Variants in CSRNP3 observed in about 807,000 individuals in gnomAD.
The protein encoded by CSRNP3 is cysteine/serine-rich nuclear protein 3.
A neutral mutation model predicts 48.0 loss-of-function variants in CSRNP3; 12 were observed. That is an observed-to-expected ratio of 0.25 (90% CI 0.16 to 0.41). CSRNP3 has a LOEUF of 0.41. Ranked by LOEUF, CSRNP3 falls within the 10% of genes least tolerant of loss-of-function variation. The probability of loss-of-function intolerance (pLI) is 1.00; values close to 1 mark genes in which losing one functional copy is unlikely to be tolerated. For missense variants in CSRNP3, 580 were observed against 724.4 expected, an observed-to-expected ratio of 0.80 and a Z score of 2.29; for synonymous variants, 263 against 269.7, an observed-to-expected ratio of 0.98 and a Z score of 0.24.
Position 165,681,696 on chromosome 2 carries a change from GA to G in CSRNP3, c.*1945del, listed in dbSNP as rs1687540993. ...AATGATTGGCCCTTTGGGCTAATCA[GA>G]ATGAGGATTTGTTGAAATCTCAAAT... is the stretch of plus-strand genomic sequence containing the variant. On this transcript the variant is annotated 3_prime_UTR_variant, in exon 7 of 7. Transcript: ENST00000651982. 7.1e-6 allele frequency: 1 copy of G among 140,044 alleles called. No individual in the cohort carries two copies. Among genetic ancestry groups the G allele is most frequent in the African/African-American group, 2.7e-5 (1 of 37,496 alleles). 8.7% of individuals were successfully genotyped at this position (140,044 alleles called of 1,614,324 possible). A position where few individuals can be genotyped will look rare whatever the true frequency, so the allele number is the denominator to read the frequency against.
intron 5 of CSRNP3, among the ~76,000 whole-genome samples, chr2:165,663,020 C>G (rs1687122454): frequency 6.6e-6 from 1 of 151,984 alleles, no homozygotes; most frequent in African/African-American, 2.4e-5. Flanking sequence ...TTTTTTCATC[C>G]CAAATCTCAG....
intron 4 of CSRNP3, among the ~76,000 whole-genome samples, chr2:165,655,117 AT>A (rs1286961546): frequency 3.9e-5 from 6 of 152,174 alleles, no homozygotes; most frequent in Non-Finnish European, 8.8e-5. Flanking sequence ...TTGGAAGAAG[AT>A]TCTTACCTAA....
intron 3 of CSRNP3, among the ~76,000 whole-genome samples, chr2:165,533,273 G>A (rs1684838663): frequency 6.6e-6 from 1 of 151,980 alleles, no homozygotes; most frequent in African/African-American, 2.4e-5. Flanking sequence ...AAAAAAATAT[G>A]GCATGAATAA....
At chr2:165,648,521 C>T (rs1372674999) in intron 4 of CSRNP3, among the ~76,000 whole-genome samples, 1 of 152,034 alleles carries the variant, frequency 6.6e-6, no homozygotes, top group Non-Finnish European at 1.5e-5. Context: ...TCTTGATCTG[C>T]AGTCCAATGC....
In CSRNP3 at chr2:165,555,624, A is replaced by G. The variant is rs1574835728; in HGVS notation, c.-24+37663A>G. ...CCTGACATACTTTGCCTACTCATTG[A>G]TGGTGAAGCTGGGATGGTTACATAG... is the stretch of plus-strand genomic sequence containing the variant. On this transcript the variant is annotated intron_variant, in intron 3 of 6. Transcript: ENST00000651982. 3.3e-5 allele frequency among the ~76,000 whole-genome samples: 5 copies of G among 152,312 alleles called. 1 individual carries two copies. In the South Asian group the frequency reaches 1.0e-3, roughly 32 times the overall value.
In CSRNP3 at chr2:165,654,148, T is replaced by G. The variant is rs1454638805; in HGVS notation, c.149-3613T>G. ...CAAGAGCAAAAAAGATAGAAAGTTA[T>G]CATCACAAAACCAGAAGCTCTAGCC... On this transcript the variant is annotated intron_variant, in intron 4 of 6. Transcript: ENST00000651982. Among the ~76,000 whole-genome samples the G allele has an allele frequency of 2.6e-5, 4 of 152,194 alleles. No individual in the cohort carries two copies. In the East Asian group the frequency reaches 7.7e-4, roughly 29 times the overall value.
intron 5 of CSRNP3, among the ~76,000 whole-genome samples, chr2:165,675,877 C>T (rs777833960): frequency 1.3e-5 from 2 of 152,182 alleles, no homozygotes; most frequent in African/African-American, 2.4e-5. Flanking sequence ...TCAAGGACAA[C>T]ATATTTGCTG....
intron 4 of CSRNP3, among the ~76,000 whole-genome samples, chr2:165,639,650 T>G (rs1227227568): frequency 6.6e-6 from 1 of 152,106 alleles, no homozygotes; most frequent in Non-Finnish European, 1.5e-5. Flanking sequence ...AAAGTCAGTG[T>G]TTTGACACCT....
At chr2:165,665,551 G>A (rs62176902) in intron 5 of CSRNP3, among the ~76,000 whole-genome samples, 23,058 of 151,862 alleles carry the variant, frequency 0.15, 1,953 homozygotes, top group East Asian at 0.28. Context: ...GCTGGAGGCC[G>A]GGAGTTAAAG....
At chr2:165,620,105 A>C (rs1317095666) in intron 4 of CSRNP3, among the ~76,000 whole-genome samples, 1 of 152,146 alleles carries the variant, frequency 6.6e-6, no homozygotes, top group South Asian at 2.1e-4. Context: ...AAATTACTAC[A>C]TGGTTTTCCA....
At chr2:165,589,098 C>T (rs924704320) in intron 3 of CSRNP3, among the ~76,000 whole-genome samples, 2 of 152,150 alleles carry the variant, frequency 1.3e-5, no homozygotes, top group African/African-American at 4.8e-5. Context: ...TTAAGGAGTA[C>T]AGCAGCTAAG....
chr2:165,557,167 GA>G (rs1455406284), intron 3 of CSRNP3, among the ~76,000 whole-genome samples: 17 of 152,036 alleles, frequency 1.1e-4, no homozygotes, highest in African/African-American at 3.9e-4. Context: ...AAAAAAGAAA[GA>G]AAAGAACACT....
chr2:165,599,828 T>A (rs968285716), intron 4 of CSRNP3, among the ~76,000 whole-genome samples: 2 of 152,074 alleles, frequency 1.3e-5, no homozygotes, highest in African/African-American at 4.8e-5. Context: ...ATTTCTTTAC[T>A]TTTTTTTACT....
chr2:165,507,333 CAA>C (rs1684440217), intron 2 of CSRNP3, among the ~76,000 whole-genome samples: 1 of 151,950 alleles, frequency 6.6e-6, no homozygotes, highest in Non-Finnish European at 1.5e-5. Context: ...TAGAAATTTC[CAA>C]AATATGGCAA....
intron 2 of CSRNP3, among the ~76,000 whole-genome samples, chr2:165,512,273 A>G (rs982437157): frequency 1.3e-5 from 2 of 152,160 alleles, no homozygotes; most frequent in Admixed American, 6.5e-5. Flanking sequence ...TTCTAGGGCC[A>G]GTCTCACCAA....
At chr2:165,588,451 C>T (rs1574851157) in intron 3 of CSRNP3, among the ~76,000 whole-genome samples, 1 of 152,330 alleles carries the variant, frequency 6.6e-6, no homozygotes, top group Middle Eastern at 3.4e-3. Context: ...AAGCTAGCAG[C>T]AGTGGATGCG....
chr2:165,685,168 T>C lies in CSRNP3; in HGVS notation c.*5415T>C, dbSNP rs151004517. 1.3e-5 allele frequency: 2 copies of C among 152,204 alleles called. No individual in the cohort carries two copies. The highest frequency in any genetic ancestry group is 4.8e-5 in the African/African-American group (2 of 41,536). 9.4% of individuals were successfully genotyped at this position (152,204 alleles called of 1,614,324 possible). ...AAAAAGTGCAGACATTTAAAAAAGC[T>C]CTTCTTTCACATTTTACCTACCAAA... On this transcript the variant is annotated 3_prime_UTR_variant, in exon 7 of 7. Coordinates refer to ENST00000651982, the MANE Select transcript of CSRNP3 (RefSeq NM_001172173.2).
intron 3 of CSRNP3, among the ~76,000 whole-genome samples, chr2:165,579,990 G>A (rs576156763): frequency 2.3e-5 from 3 of 133,178 alleles, no homozygotes; most frequent in South Asian, 2.5e-4. Context: ...GTGCAATGGC[G>A]TAATCTCGGC....
chr2:165,539,776 G>A (rs955645051), intron 3 of CSRNP3, among the ~76,000 whole-genome samples: 6 of 151,970 alleles, frequency 3.9e-5, no homozygotes, highest in African/African-American at 1.4e-4. Flanking sequence ...AGTAATAATC[G>A]CTGGTATAAA....
Sources: gnomAD v4.1 joint callset for allele counts (sites outside exome capture counted in the v4.1 genomes callset) on GRCh38, gnomAD v4.1.1 for gene constraint, MANE v1.5 for transcripts, NCBI Gene and HGNC (gene_info 2026-07-23, HGNC 2026-07-21) for gene names.